Variants in RPS6KA2 observed in about 807,000 individuals in gnomAD.
The protein encoded by RPS6KA2 is ribosomal protein S6 kinase A2.
In RPS6KA2, 42 loss-of-function variants were observed where a neutral mutation model predicts 91.8. That is an observed-to-expected ratio of 0.46 (90% CI 0.36 to 0.59). The LOEUF is 0.59. Among genes scored for constraint, RPS6KA2 ranks in the 20% least tolerant of loss-of-function variants. The pLI is 0.00. For missense variants in RPS6KA2, 798 were observed against 978.5 expected (o/e 0.82, Z 2.46); for synonymous variants, 414 against 393.6 (o/e 1.05, Z -0.61).
chr6:166,770,705 T>G lies in RPS6KA2; in HGVS notation c.123+87495A>C, dbSNP rs1466927430. Reference sequence around the variant, plus strand: ...AAAAAATTCACATTTTCCTGTGGAGTGGTCCAGCCTTCTAAAAGCTCTTCG... The same window carrying G: ...AAAAAATTCACATTTTCCTGTGGAGGGGTCCAGCCTTCTAAAAGCTCTTCG... On this transcript the variant is annotated intron_variant, in intron 2 of 21. Coordinates refer to the RPS6KA2 transcript ENST00000503859. This position sits in a 1 kb window ranked among gnomAD's most constrained non-coding sequence, Gnocchi z 5.1. Among the ~76,000 whole-genome samples, 2 of 151,972 alleles carry G rather than the reference T, an allele frequency of 1.3e-5. No individual in the cohort carries two copies. Among genetic ancestry groups the G allele is most frequent in the Non-Finnish European group, 2.9e-5 (2 of 68,008 alleles).
chr6:166,552,199 CT>C (rs1484040484), intron 1 of RPS6KA2, among the ~76,000 whole-genome samples: 3 of 152,238 alleles, frequency 2.0e-5, no homozygotes, highest in African/African-American at 7.2e-5. Context: ...TTTCACAGGT[CT>C]TTGACCCCCC....
intron 5 of RPS6KA2, among the ~76,000 whole-genome samples, chr6:166,507,759 C>T (rs1383009574): frequency 2.0e-5 from 3 of 150,740 alleles, no homozygotes. Flanking sequence ...ACACGCCTGA[C>T]ATATACACAC....
chr6:166,842,817 G>A (rs569289317), intron 2 of RPS6KA2, among the ~76,000 whole-genome samples: 54 of 152,342 alleles, frequency 3.5e-4, no homozygotes, highest in African/African-American at 1.2e-3. Flanking sequence ...AACAGACAAA[G>A]CAGCATGTGG....
intron 2 of RPS6KA2, among the ~76,000 whole-genome samples, chr6:166,718,439 T>C (rs1217339470): frequency 6.6e-6 from 1 of 152,168 alleles, no homozygotes; most frequent in Non-Finnish European, 1.5e-5. Context: ...GAGATCATTT[T>C]CCCCTTAAAA....
chr6:166,700,866 C>T (rs1789492083), intron 2 of RPS6KA2, among the ~76,000 whole-genome samples: 1 of 152,188 alleles, frequency 6.6e-6, no homozygotes, highest in Admixed American at 6.5e-5. Context: ...CCCTCTGCCA[C>T]CCTTTTTTTG....
rs931245066 is a variant in RPS6KA2, at chr6:166,836,607, C to T, written c.123+21593G>A. On this transcript the variant is annotated intron_variant, in intron 2 of 21. Transcript: ENST00000503859. ...TGTGACTTATCTTCATCGCTTTCCC[C>T]TCTGTGCTAAAACTCAGTGTCTCCT... Among the ~76,000 whole-genome samples, 37 of 152,178 alleles carry T rather than the reference C, an allele frequency of 2.4e-4. 1 individual carries two copies. Among genetic ancestry groups the T allele is most frequent in the Non-Finnish European group, 4.4e-5 (3 of 68,028 alleles).
chr6:166,579,161 G>A (rs917392725), intron 1 of RPS6KA2, among the ~76,000 whole-genome samples: 2 of 152,322 alleles, frequency 1.3e-5, no homozygotes, highest in Middle Eastern at 6.8e-3. Flanking sequence ...TGTGATCTTA[G>A]ACAAGTATCC....
At chr6:166,441,130 G>C (rs1779506464) in intron 14 of RPS6KA2, among the ~76,000 whole-genome samples, 1 of 152,166 alleles carries the variant, frequency 6.6e-6, no homozygotes. Flanking sequence ...TGTTACCAAA[G>C]CTGCCCCGTC....
chr6:166,775,375 C>A (rs1005683402), intron 2 of RPS6KA2, among the ~76,000 whole-genome samples: 8 of 152,010 alleles, frequency 5.3e-5, no homozygotes, highest in African/African-American at 1.9e-4. Flanking sequence ...CACTAGATGG[C>A]AGCAGAGGAC....
chr6:166,783,872 TACGC>T (rs1562437428), intron 2 of RPS6KA2, among the ~76,000 whole-genome samples: 4 of 106,184 alleles, frequency 3.8e-5, no homozygotes, highest in South Asian at 2.9e-4. Flanking sequence ...CGTGCACACC[TACGC>T]ATCACCACAT....
chr6:166,779,339 A>T (rs1223050386), intron 2 of RPS6KA2, among the ~76,000 whole-genome samples: 3 of 152,194 alleles, frequency 2.0e-5, no homozygotes, highest in African/African-American at 7.2e-5. Context: ...CACACCTGTA[A>T]TTTATAGATG....
intron 1 of RPS6KA2, among the ~76,000 whole-genome samples, chr6:166,555,172 C>T (rs1784141804): frequency 1.3e-5 from 2 of 152,152 alleles, no homozygotes; most frequent in Admixed American, 1.3e-4. Context: ...GTTATTTGTG[C>T]ATCTCTTCAT....
chr6:166,693,978 G>A (rs904962807), intron 2 of RPS6KA2, among the ~76,000 whole-genome samples: 14 of 152,072 alleles, frequency 9.2e-5, no homozygotes, highest in African/African-American at 1.9e-4. Flanking sequence ...GATAGTTCTC[G>A]CCATTCTGTT....
intron 2 of RPS6KA2, among the ~76,000 whole-genome samples, chr6:166,762,384 A>G (rs148952674): frequency 2.7e-4 from 41 of 152,244 alleles, no homozygotes; most frequent in South Asian, 6.2e-4. Context: ...TTGTATGTCT[A>G]TGCGCATATG....
rs1218530967 is a variant in RPS6KA2, at chr6:166,605,693, G to GCA, written c.99+21226_99+21227dup. On this transcript the variant is annotated intron_variant, in intron 1 of 20. Transcript: ENST00000265678. ...GCATTTTAGATAGAAATGCACTCACGCACACACACAAGCACAGATACACCT... is the reference window on the plus strand; with the variant it reads ...GCATTTTAGATAGAAATGCACTCACGCACACACACACAAGCACAGATACACCT... Among the ~76,000 whole-genome samples the GCA allele has an allele frequency of 2.0e-5, 3 of 152,238 alleles. No individual in the cohort carries two copies. In the East Asian group the frequency reaches 5.8e-4, roughly 29 times the overall value.
chr6:166,859,493 G>T (rs1324543549), intron 1 of RPS6KA2, among the ~76,000 whole-genome samples: 1 of 152,172 alleles, frequency 6.6e-6, no homozygotes, highest in Non-Finnish European at 1.5e-5. Context: ...TCTTTTTCAT[G>T]CTAGATTCTG....
intron 2 of RPS6KA2, among the ~76,000 whole-genome samples, chr6:166,713,750 C>T (rs746170183): frequency 1.3e-5 from 2 of 152,144 alleles, no homozygotes; most frequent in African/African-American, 4.8e-5. Flanking sequence ...GTGAAATATC[C>T]GGAGGGAAGC....
intron 2 of RPS6KA2, among the ~76,000 whole-genome samples, chr6:166,731,183 G>A (rs1368087384): frequency 2.6e-5 from 4 of 152,024 alleles, no homozygotes; most frequent in Admixed American, 1.3e-4. Flanking sequence ...TGGAGGTTGC[G>A]GTGAGCCGAG....
chr6:166,835,674 G>C (rs1302875438), intron 2 of RPS6KA2, among the ~76,000 whole-genome samples: 1 of 152,208 alleles, frequency 6.6e-6, no homozygotes, highest in Non-Finnish European at 1.5e-5. Context: ...TAGGTAAATA[G>C]TAATGTTGTA....
Sources: gnomAD v4.1 joint callset for allele counts (sites outside exome capture counted in the v4.1 genomes callset) on GRCh38, gnomAD v4.1.1 for gene constraint, Gnocchi (gnomAD v3.1) non-coding constraint, MANE v1.5 for transcripts, NCBI Gene and HGNC (gene_info 2026-07-23, HGNC 2026-07-21) for gene names.